The following ACO1 variants were observed in gnomAD, a reference collection of about 807,000 sequenced individuals.
The protein encoded by ACO1 is aconitase 1.
In ACO1, 78 loss-of-function variants were observed where a neutral mutation model predicts 105.1. The observed-to-expected ratio is 0.74, with a 90% CI of 0.62 to 0.90. The LOEUF (loss-of-function observed/expected upper bound fraction) is 0.90. Ranked by LOEUF, ACO1 falls within the 40% of genes least tolerant of loss-of-function variation. The pLI is 0.00. For synonymous variants in ACO1, 364 were observed against 397.4 expected, an observed-to-expected ratio of 0.92 and a Z score of 1.00; for missense variants, 965 against 1,111.1, an observed-to-expected ratio of 0.87 and a Z score of 1.87.
Position 32,425,828 on chromosome 9 carries a change from C to T in ACO1, c.1189-10C>T, listed in dbSNP as rs1362917045. Reference sequence around the variant, plus strand: ...TATTCCTATATAATATACATTTTTTCTTCCTTTAGCAAGGATTTAAAGGAT... The same window carrying T: ...TATTCCTATATAATATACATTTTTTTTTCCTTTAGCAAGGATTTAAAGGAT... On this transcript the variant is annotated splice_polypyrimidine_tract_variant and intron_variant, in intron 10 of 20. Coordinates refer to ENST00000309951, the MANE Select transcript of ACO1 (RefSeq NM_002197.3). 2.5e-6 allele frequency: 4 copies of T among 1,589,090 alleles called. No homozygotes were observed. Among genetic ancestry groups the T allele is most frequent in the Admixed American group, 1.7e-5 (1 of 58,226 alleles).
At chr9:32,387,450 C>T (rs1261318565) in intron 1 of ACO1, among the ~76,000 whole-genome samples, 1 of 151,962 alleles carries the variant, frequency 6.6e-6, no homozygotes, top group South Asian at 2.1e-4. Context: ...GCTTTTTTTT[C>T]CTCTTGGAGT....
chr9:32,416,402 T>G (rs913633093), intron 4 of ACO1, among the ~76,000 whole-genome samples: 2 of 152,014 alleles, frequency 1.3e-5, no homozygotes, highest in Non-Finnish European at 2.9e-5. Context: ...TCCAGATGTG[T>G]TTTCTATGAG....
intron 1 of ACO1, among the ~76,000 whole-genome samples, chr9:32,391,740 A>G (rs1821271370): frequency 6.6e-6 from 1 of 152,264 alleles, no homozygotes; most frequent in African/African-American, 2.4e-5. Context: ...GGCATAGTTC[A>G]TGAAGAAGAG....
In ACO1 at chr9:32,412,101, A is replaced by G. The variant is rs72561764; in HGVS notation, c.404+3450A>G. Reference sequence around the variant, plus strand: ...AATAATGTTTATTAAAGTATTATTTATAAATGAAGCCTAGAAACATTCTAA... The same window carrying G: ...AATAATGTTTATTAAAGTATTATTTGTAAATGAAGCCTAGAAACATTCTAA... On this transcript the variant is annotated intron_variant, in intron 4 of 20. Transcript: ENST00000309951. Among the ~76,000 whole-genome samples the G allele has an allele frequency of 5.3e-5, 8 of 152,352 alleles. 1 individual carries two copies. The East Asian group carries it at 7.7e-4, about 15-fold the overall frequency.
In ACO1 at chr9:32,449,037, A is replaced by T. The variant is rs149168836; in HGVS notation, c.2512A>T (p.Ile838Phe). 2 of 1,611,758 alleles carry T rather than the reference A, an allele frequency of 1.2e-6. No homozygotes were observed. The highest frequency in any genetic ancestry group is 2.7e-5 in the African/African-American group (2 of 74,874). The change falls in exon 20 of 21, where the codon ATT (isoleucine) becomes TTT (phenylalanine). Residue 838 changes from isoleucine (I) to phenylalanine (F), a missense_variant. Ile to Phe is a conservative substitution (Grantham distance 21). Coordinates refer to ENST00000309951, the MANE Select transcript of ACO1 (RefSeq NM_002197.3). ...GLTGQERYTI[I>F]IPENLKPQMK... is the part of the protein sequence containing the mutation. ...CACAGGGCAAGAACGATACACTATC[A>T]TTATTCCAGAAAACCTCAAACCACA...
At position 32,384,667 on chromosome 9, in the gene ACO1, C is replaced by T. The variant is rs1337663860; in HGVS notation, c.-91C>T. The T allele has an allele frequency of 7.4e-6, 3 of 403,738 alleles. No individual in the cohort carries two copies. Among genetic ancestry groups the T allele is most frequent in the Non-Finnish European group, 1.5e-5 (3 of 203,390 alleles). 25.0% of individuals were successfully genotyped at this position (403,738 alleles called of 1,614,324 possible). A position where few individuals can be genotyped will look rare whatever the true frequency, so the allele number is the denominator to read the frequency against. On this transcript the variant is annotated 5_prime_UTR_variant, in exon 1 of 21. Transcript: ENST00000309951. ...GGAGGCGGCAGCTGGAACCGCGCAG[C>T]GCACGGGAACGCGTCCCGCTGCTTG...
intron 19 of ACO1, among the ~76,000 whole-genome samples, chr9:32,442,539 A>G (rs1822505261): frequency 2.0e-5 from 3 of 152,182 alleles, no homozygotes; most frequent in Admixed American, 1.3e-4. Flanking sequence ...CCAATAAAAC[A>G]TACTTTAAGC....
At chr9:32,400,262 C>T (rs145215208) in intron 1 of ACO1, among the ~76,000 whole-genome samples, 28 of 152,178 alleles carry the variant, frequency 1.8e-4, no homozygotes, top group Non-Finnish European at 2.9e-4. Context: ...TAAGCCACTG[C>T]GCCTGGCTGT....
At chr9:32,408,264 A>G (rs993328434) in intron 3 of ACO1, among the ~76,000 whole-genome samples, 3 of 152,234 alleles carry the variant, frequency 2.0e-5, no homozygotes, top group African/African-American at 7.2e-5. Flanking sequence ...TTTAGAACAT[A>G]GCCGTTATTA....
In ACO1 at chr9:32,426,610, T is replaced by C. The variant is rs1020788824; in HGVS notation, c.1348+613T>C. Among the ~76,000 whole-genome samples, 10 of 152,228 alleles carry C rather than the reference T, an allele frequency of 6.6e-5. 1 individual carries two copies. Among genetic ancestry groups the C allele is most frequent in the African/African-American group, 1.9e-4 (8 of 41,456 alleles). The stretch of plus-strand genomic sequence containing the variant: ...GCAGACACGGGCATTAGGAAAGCCT[T>C]CTTTGCCTGAGTCCGTGTATTGCCA... On this transcript the variant is annotated intron_variant, in intron 11 of 20. Transcript: ENST00000309951.
At chr9:32,391,053 A>G (rs1821258169) in intron 1 of ACO1, among the ~76,000 whole-genome samples, 1 of 152,240 alleles carries the variant, frequency 6.6e-6, no homozygotes, top group African/African-American at 2.4e-5. Flanking sequence ...GGCTACATTT[A>G]GAGCTTACCA....
intron 18 of ACO1, 128 bp from the exon 19 acceptor site, chr9:32,440,337 A>T: frequency 1.1e-6 from 1 of 913,912 alleles, no homozygotes; most frequent in Non-Finnish European, 1.7e-6. Flanking sequence ...GGGAATTTGT[A>T]GACAAGATGA....
chr9:32,414,320 C>T (rs905303901), intron 4 of ACO1, among the ~76,000 whole-genome samples: 4 of 152,056 alleles, frequency 2.6e-5, no homozygotes, highest in African/African-American at 4.8e-5. Flanking sequence ...CTCTTTAGTC[C>T]GTGAGGCCAT....
intron 4 of ACO1, among the ~76,000 whole-genome samples, chr9:32,412,328 G>A (rs1422301628): frequency 6.6e-6 from 1 of 152,174 alleles, no homozygotes; most frequent in Non-Finnish European, 1.5e-5. Context: ...AGATTGGAAA[G>A]GGTGCCAAGT....
chr9:32,444,394 C>T (rs955974940), intron 19 of ACO1, among the ~76,000 whole-genome samples: 5 of 152,118 alleles, frequency 3.3e-5, no homozygotes, highest in East Asian at 1.9e-4. Context: ...CTTAAGGAAT[C>T]GCCACACCAT....
rs181512126 is a variant in ACO1, at chr9:32,391,018, A to G, written c.-23+6283A>G. ...TTTAAATACTTGTTTTAGAATGTAT[A>G]TTTAAATCTTCAGTAAAAGAAACAG... On this transcript the variant is annotated intron_variant, in intron 1 of 20. Transcript: ENST00000309951. Among the ~76,000 whole-genome samples the G allele has an allele frequency of 2.5e-3, 388 of 152,326 alleles. 3 individuals carry two copies. The highest frequency in any genetic ancestry group is 8.9e-3 in the African/African-American group (369 of 41,560).
In ACO1 at chr9:32,418,426, T is replaced by A; in HGVS notation, c.573T>A (p.Asp191Glu). The A allele has an allele frequency of 6.2e-7, 1 of 1,614,202 alleles. No individual in the cohort carries two copies. Among genetic ancestry groups the A allele is most frequent in the Non-Finnish European group, 8.5e-7 (1 of 1,180,020 alleles). Residue 191 changes from aspartate to glutamate, a missense_variant, in exon 6 of 21, where the codon GAT (aspartate) becomes GAA (glutamate). Coordinates refer to ENST00000309951, the MANE Select transcript of ACO1 (RefSeq NM_002197.3). Reference protein sequence around the residue: ...NLEYLARVVFDQDGYYYPDSL... With the variant: ...NLEYLARVVFEQDGYYYPDSL... ...AATATTTGGCAAGAGTGGTATTTGATCAGGATGGATATTATTACCCAGACA... is the reference window on the plus strand; with the variant it reads ...AATATTTGGCAAGAGTGGTATTTGAACAGGATGGATATTATTACCCAGACA...
intron 11 of ACO1, 82 bp from the exon 12 acceptor site, chr9:32,427,219 A>G: frequency 6.5e-7 from 1 of 1,543,348 alleles, no homozygotes. Flanking sequence ...CAGACTGAAG[A>G]AAATCAGGCT....
chr9:32,423,208 G>A (rs1822013283), intron 8 of ACO1, 111 bp from the exon 9 acceptor site: 1 of 584,240 alleles, frequency 1.7e-6, no homozygotes, highest in Non-Finnish European at 3.0e-6. Flanking sequence ...GTGTGTGTAA[G>A]TGCAGCGTAT....
Sources: gnomAD v4.1 joint callset for allele counts (sites outside exome capture counted in the v4.1 genomes callset) on GRCh38, gnomAD v4.1.1 for gene constraint, MANE v1.5 for transcripts, NCBI Gene and HGNC (gene_info 2026-07-23, HGNC 2026-07-21) for gene names.